The following MAP4 variants were observed in gnomAD, a reference collection of about 807,000 sequenced individuals.
The protein encoded by MAP4 is microtubule-associated protein 4.
MAP4 carries 76 observed loss-of-function variants against 170.2 expected under a neutral mutation model. The ratio of observed to expected loss-of-function variants is 0.45; its 90% CI spans 0.37 to 0.54. MAP4 has a LOEUF of 0.54. Among genes scored for constraint, MAP4 ranks in the 20% least tolerant of loss-of-function variants. The probability of loss-of-function intolerance (pLI) is 0.00; values close to 1 mark genes in which losing one functional copy is unlikely to be tolerated. For missense variants in MAP4, 2,506 were observed against 2,748.0 expected (o/e 0.91, Z 1.97); for synonymous variants, 909 against 994.5 (o/e 0.91, Z 1.62).
chr3:48,070,769 G>C (rs887083969), intron 1 of MAP4, among the ~76,000 whole-genome samples: 1 of 151,118 alleles, frequency 6.6e-6, no homozygotes, highest in Non-Finnish European at 1.5e-5. Context: ...GGGAGGCAGA[G>C]ACAGGAGGAT....
chr3:47,867,737 C>T (rs111442218), intron 16 of MAP4, among the ~76,000 whole-genome samples: 104 of 152,356 alleles, frequency 6.8e-4, no homozygotes, highest in Admixed American at 1.4e-3. Context: ...CTCTGCAAGT[C>T]TTATCATGTG....
chr3:47,974,575 C>T, intron 3 of MAP4: 1 of 968,910 alleles, frequency 1.0e-6, no homozygotes. Flanking sequence ...GATTTTAAAC[C>T]AGAATTCCTC....
intron 2 of MAP4, among the ~76,000 whole-genome samples, chr3:47,984,081 T>A (rs1290897839): frequency 6.6e-6 from 1 of 152,032 alleles, no homozygotes; most frequent in African/African-American, 2.4e-5. Context: ...CATTTGCACA[T>A]ATCTGTTTAC....
intron 17 of MAP4, among the ~76,000 whole-genome samples, chr3:47,858,002 C>T (rs2059413783): frequency 6.6e-6 from 1 of 151,184 alleles, no homozygotes; most frequent in South Asian, 2.1e-4. Context: ...CAGGCGTGAG[C>T]CACCACGCCT....
intron 1 of MAP4, among the ~76,000 whole-genome samples, chr3:48,011,665 TA>T (rs766615714): frequency 4.7e-4 from 72 of 152,078 alleles, no homozygotes; most frequent in Non-Finnish European, 7.4e-4. Flanking sequence ...ACTTTACATA[TA>T]AAGTATTATT....
intron 3 of MAP4, among the ~76,000 whole-genome samples, chr3:47,971,141 T>C (rs2100078491): frequency 6.6e-6 from 1 of 152,216 alleles, no homozygotes; most frequent in African/African-American, 2.4e-5. Flanking sequence ...CTGATGTGTC[T>C]CCAGCATGCA....
chr3:48,079,630 G>C (rs1351343524), intron 1 of MAP4, among the ~76,000 whole-genome samples: 1 of 151,288 alleles, frequency 6.6e-6, no homozygotes, highest in Non-Finnish European at 1.5e-5. Flanking sequence ...ATTCCAGCCT[G>C]GGTGACACAG....
chr3:47,994,819 G>A (rs1184257529), intron 2 of MAP4, among the ~76,000 whole-genome samples: 1 of 152,046 alleles, frequency 6.6e-6, no homozygotes, highest in Non-Finnish European at 1.5e-5. Flanking sequence ...GCATGGTGGT[G>A]CAGGCCTGTA....
rs765915883 is a variant in MAP4 at position 47,991,309 on chromosome 3, T to A, written c.223+7329A>T. 3.7e-4 allele frequency among the ~76,000 whole-genome samples: 56 copies of A among 152,284 alleles called. 1 individual carries two copies. Among genetic ancestry groups the A allele is most frequent in the Middle Eastern group, 3.4e-3 (1 of 294 alleles). ...AACCTACTCAACCGTCCCTTCTATA[T>A]CTAGAGGCAAGAAAATGGTTGATAA... On this transcript the variant is annotated intron_variant, in intron 2 of 20. Coordinates refer to ENST00000683076, the MANE Select transcript of MAP4 (RefSeq NM_001385682.1).
At chr3:48,058,579 C>T (rs1039478107) in intron 1 of MAP4, among the ~76,000 whole-genome samples, 2 of 152,108 alleles carry the variant, frequency 1.3e-5, no homozygotes, top group African/African-American at 4.8e-5. Flanking sequence ...CAGTCCTTTT[C>T]ATCTGATAAA....
chr3:48,060,640 G>A (rs370250399), intron 1 of MAP4, among the ~76,000 whole-genome samples: 10 of 151,846 alleles, frequency 6.6e-5, no homozygotes, highest in African/African-American at 2.2e-4. Context: ...GAGGCCAGGC[G>A]CAGTGGCTCA....
intron 2 of MAP4, chr3:47,987,559 C>T: frequency 1.8e-6 from 1 of 555,212 alleles, no homozygotes. Context: ...CAGCCCAGAA[C>T]CGTCCTCCAA....
At chr3:47,892,128 C>A in intron 10 of MAP4, 1 of 1,536,136 alleles carries the variant, frequency 6.5e-7, no homozygotes, top group Non-Finnish European at 8.7e-7. Flanking sequence ...TTCTGGTGTA[C>A]CGAGTTCCCC....
rs746051455 is a variant in MAP4 at position 47,853,276 on chromosome 3, G to A, written c.6773C>T (p.Ala2258Val). 6.2e-5 allele frequency: 99 copies of A among 1,606,520 alleles called. No homozygotes were observed. The highest frequency in any genetic ancestry group is 3.5e-4 in the Middle Eastern group (2 of 5,706). ...TGAAGTGGGGGCGCCAGCTTCAGGCGCTGCCTCAGAGATGGCCGGCTCCTC... is the reference window on the plus strand; with the variant it reads ...TGAAGTGGGGGCGCCAGCTTCAGGCACTGCCTCAGAGATGGCCGGCTCCTC... ...AGEEPAISEA[A>V]PEAGAPTSAS... The change falls in exon 20 of 21, where the codon GCG becomes GTG. Residue 2258 changes from alanine (A) to valine (V), a missense_variant. This residue lies in a region of MAP4 where 487 missense variants were observed against 511.6 expected (regional missense o/e 0.95). Coordinates refer to ENST00000683076, the MANE Select transcript of MAP4 (RefSeq NM_001385682.1).
chr3:47,963,706 A>G (rs2100073062), intron 3 of MAP4, among the ~76,000 whole-genome samples: 1 of 152,254 alleles, frequency 6.6e-6, no homozygotes. Flanking sequence ...GCTGGGCCAC[A>G]GCAGTGACCA....
chr3:47,905,767 G>A (rs944523170), intron 9 of MAP4, among the ~76,000 whole-genome samples: 2 of 152,082 alleles, frequency 1.3e-5, no homozygotes, highest in Non-Finnish European at 2.9e-5. Context: ...GCTGAGGCAA[G>A]TGGATCGCCT....
intron 1 of MAP4, among the ~76,000 whole-genome samples, chr3:48,087,851 G>C (rs2100150132): frequency 6.6e-6 from 1 of 152,022 alleles, no homozygotes; most frequent in East Asian, 1.9e-4. Flanking sequence ...TACTGTAACA[G>C]GACCAGAGAA....
chr3:48,080,941 G>A (rs1382453598), intron 1 of MAP4, among the ~76,000 whole-genome samples: 4 of 152,168 alleles, frequency 2.6e-5, no homozygotes, highest in Admixed American at 6.6e-5. Flanking sequence ...TGGCTAACAC[G>A]GTGAAACCCC....
chr3:47,948,225 CTTTTTTT>C (rs35761893), intron 3 of MAP4, among the ~76,000 whole-genome samples: 2 of 128,386 alleles, frequency 1.6e-5, no homozygotes, highest in Non-Finnish European at 3.4e-5. Flanking sequence ...TTGACCTATT[CTTTTTTT>C]TTTTTTTTTT....
Sources: gnomAD v4.1 joint callset for allele counts (sites outside exome capture counted in the v4.1 genomes callset) on GRCh38, gnomAD v4.1.1 for gene constraint, gnomAD v4.1.1 regional missense constraint, MANE v1.5 for transcripts, NCBI Gene and HGNC (gene_info 2026-07-23, HGNC 2026-07-21) for gene names.